The following F11R variants were observed in gnomAD, a reference collection of about 807,000 sequenced individuals.
The protein encoded by F11R is F11 receptor.
Under a neutral mutation model 39.3 loss-of-function variants are expected in F11R, and 27 were observed. That is an observed-to-expected ratio of 0.69 (90% confidence interval 0.51 to 0.95). The LOEUF is 0.95. Ranked by LOEUF, F11R falls within the 40% of genes least tolerant of loss-of-function variation. F11R has a pLI of 0.00. For synonymous variants in F11R, 131 were observed against 144.9 expected (o/e 0.90, Z 0.69); for missense variants, 335 against 372.7 (o/e 0.90, Z 0.83).
intron 1 of F11R, among the ~76,000 whole-genome samples, chr1:161,013,755 G>A (rs1328801718): frequency 1.3e-5 from 2 of 152,186 alleles, no homozygotes; most frequent in Non-Finnish European, 2.9e-5. Flanking sequence ...AAGTGGTAAT[G>A]GCAGGGTAAG....
At chr1:161,000,972 T>C in intron 3 of F11R, 48 bp downstream of exon 3, 1 of 1,553,550 alleles carries the variant, frequency 6.4e-7, no homozygotes, top group Middle Eastern at 1.7e-4. Context: ...CCAGGCATGA[T>C]AATCCCTCCA....
intron 1 of F11R, among the ~76,000 whole-genome samples, chr1:161,020,130 C>T (rs1023578147): frequency 6.6e-6 from 1 of 152,150 alleles, no homozygotes. Context: ...ACAAACCAAC[C>T]GACTAAACGC....
In F11R at chr1:161,001,021, T is replaced by C; in HGVS notation, c.240A>G (p.Thr80=). ...TRLVCYNNKI[T]ASYEDRVTFL... is the part of the protein sequence containing the mutation. ...CAGGAAGGAGGAGAAGCAACTCACCTGTGATCTTGTTATTATAGCAAACGA... is the reference window on the plus strand; with the variant it reads ...CAGGAAGGAGGAGAAGCAACTCACCCGTGATCTTGTTATTATAGCAAACGA... The change falls in exon 3 of 10, where the codon ACA becomes ACG. Residue 80 remains threonine (T), a splice_region_variant and synonymous_variant. Coordinates refer to ENST00000368026, the MANE Select transcript of F11R (RefSeq NM_016946.6). 4.3e-6 allele frequency: 7 copies of C among 1,613,116 alleles called. No individual in the cohort carries two copies. Among genetic ancestry groups the C allele is most frequent in the Non-Finnish European group, 5.9e-6 (7 of 1,179,100 alleles).
At chr1:160,999,580 C>A in intron 7 of F11R, 60 bp downstream of exon 7, 1 of 1,540,540 alleles carries the variant, frequency 6.5e-7, no homozygotes, top group South Asian at 1.1e-5. Flanking sequence ...CAGATGACAC[C>A]CATGCCAGGC....
rs1430489866 is a variant in F11R, at chr1:161,000,344, A to G, written c.393T>C (p.Pro131=). 6.2e-7 allele frequency: 1 copy of G among 1,613,640 alleles called. No individual in the cohort carries two copies. The highest frequency in any genetic ancestry group is 1.7e-5 in the Admixed American group (1 of 60,016). The part of the protein sequence containing the change: ...EVKVKLIVLV[P]PSKPTVNIPS... ...GGATGTTAACTGTAGGCTTGGATGG[A>G]GGCACTGTGGAAGAGAAAGACAGAA... Residue 131 remains proline (P), a synonymous_variant, in exon 5 of 10, where the codon CCT becomes CCC. Transcript: ENST00000368026.
chr1:161,012,645 CAG>C (rs1212941195), intron 1 of F11R, among the ~76,000 whole-genome samples: 4 of 89,628 alleles, frequency 4.5e-5, no homozygotes, highest in Non-Finnish European at 2.2e-5. Flanking sequence ...TATTTTGAGA[CAG>C]AGTTTTTGCT....
chr1:161,009,728 G>A (rs1649022141), intron 1 of F11R, among the ~76,000 whole-genome samples: 1 of 151,884 alleles, frequency 6.6e-6, no homozygotes, highest in Non-Finnish European at 1.5e-5. Context: ...AGCACTTTGG[G>A]AGGCCGATGT....
At chr1:161,013,257 C>T (rs981929249) in intron 1 of F11R, among the ~76,000 whole-genome samples, 4 of 152,120 alleles carry the variant, frequency 2.6e-5, no homozygotes, top group Non-Finnish European at 5.9e-5. Context: ...ACTCACAAGA[C>T]CCCCCAGTTG....
intron 1 of F11R, among the ~76,000 whole-genome samples, chr1:161,015,582 CTT>C (rs1307659002): frequency 9.4e-6 from 1 of 106,796 alleles, no homozygotes; most frequent in African/African-American, 3.6e-5. Context: ...CACAGCAAGA[CTT>C]TGTCTCAAAA....
At chr1:161,004,314 C>T (rs1472672053) in intron 1 of F11R, among the ~76,000 whole-genome samples, 1 of 152,104 alleles carries the variant, frequency 6.6e-6, no homozygotes, top group African/African-American at 2.4e-5. Flanking sequence ...AACCCCAGCA[C>T]TTTGGGAGGC....
Position 160,998,661 on chromosome 1 carries a change from C to T in F11R, c.*210G>A. 1.6e-6 allele frequency: 1 copy of T among 610,416 alleles called. No homozygotes were observed. Among genetic ancestry groups the T allele is most frequent in the Non-Finnish European group, 2.9e-6 (1 of 340,956 alleles). 37.8% of individuals were successfully genotyped at this position (610,416 alleles called of 1,614,324 possible). ...ATAAACACTTTAAACAAGTTCCAGGCCACTCAGCAGTGGTAGGAAAGGGAG... is the reference window on the plus strand; with the variant it reads ...ATAAACACTTTAAACAAGTTCCAGGTCACTCAGCAGTGGTAGGAAAGGGAG... On this transcript the variant is annotated 3_prime_UTR_variant, in exon 10 of 10. Transcript: ENST00000368026.
chr1:161,008,386 C>T (rs1329767769), intron 1 of F11R, among the ~76,000 whole-genome samples: 1 of 152,018 alleles, frequency 6.6e-6, no homozygotes, highest in Non-Finnish European at 1.5e-5. Flanking sequence ...TCCCTAGTCC[C>T]AGCTACTCCG....
At chr1:161,006,677 A>T (rs1648836251) in intron 1 of F11R, among the ~76,000 whole-genome samples, 1 of 152,194 alleles carries the variant, frequency 6.6e-6, no homozygotes, top group Non-Finnish European at 1.5e-5. Flanking sequence ...CTGTTGCAGG[A>T]TTAACTACGT....
At chr1:161,002,551 C>T (rs959785285) in intron 1 of F11R, 4 of 152,182 alleles carry the variant, frequency 2.6e-5, no homozygotes, top group African/African-American at 9.6e-5. Context: ...CAATTATTCT[C>T]ATCCATGTTT....
chr1:161,006,330 C>G (rs1257413418), intron 1 of F11R, among the ~76,000 whole-genome samples: 2 of 152,174 alleles, frequency 1.3e-5, no homozygotes, highest in Non-Finnish European at 1.5e-5. Flanking sequence ...TTATTGACAT[C>G]TCAGAGTCAG....
intron 1 of F11R, among the ~76,000 whole-genome samples, chr1:161,013,840 C>T (rs770095385): frequency 2.0e-5 from 3 of 152,190 alleles, no homozygotes; most frequent in Admixed American, 6.5e-5. Context: ...TCAGCTCCCC[C>T]GCCACCCCAT....
rs1482793752 is a variant in F11R at position 160,996,476 on chromosome 1, T to C, written c.*2395A>G. 6.6e-6 allele frequency: 1 copy of C among 152,264 alleles called. No individual in the cohort carries two copies. Among genetic ancestry groups the C allele is most frequent in the Non-Finnish European group, 1.5e-5 (1 of 68,026 alleles). The allele number at this position is 152,264 out of a possible 1,614,324, so 9.4% of individuals were successfully genotyped here. ...ACAGAACTGAAACATACTTTAAAAA[T>C]CTCATCCTTGGCTAGGCACGGTGGC... On this transcript the variant is annotated 3_prime_UTR_variant, in exon 10 of 10. Coordinates refer to ENST00000368026, the MANE Select transcript of F11R (RefSeq NM_016946.6).
chr1:161,002,352 C>T (rs1018601721), intron 1 of F11R, among the ~76,000 whole-genome samples: 1 of 149,456 alleles, frequency 6.7e-6, no homozygotes, highest in Non-Finnish European at 1.5e-5. Flanking sequence ...GAATATTCTA[C>T]TTGCCAAATG....
chr1:161,021,152 T>C lies in F11R; in HGVS notation c.-79A>G. On this transcript the variant is annotated 5_prime_UTR_variant, in exon 1 of 10. Coordinates refer to ENST00000368026, the MANE Select transcript of F11R (RefSeq NM_016946.6). ...AGCTCCGCGACTACAGCGAGGGGAC[T>C]GAGAGCCAGCCGCCAGGTGGAACCC... is the stretch of plus-strand genomic sequence containing the variant. 2 of 1,384,108 alleles carry C rather than the reference T, an allele frequency of 1.4e-6. No individual in the cohort carries two copies. The highest frequency in any genetic ancestry group is 2.0e-6 in the Non-Finnish European group (2 of 982,360). 85.7% of individuals were successfully genotyped at this position (1,384,108 alleles called of 1,614,324 possible). A position where few individuals can be genotyped will look rare whatever the true frequency, so the allele number is the denominator to read the frequency against.
Sources: gnomAD v4.1 joint callset for allele counts (sites outside exome capture counted in the v4.1 genomes callset) on GRCh38, gnomAD v4.1.1 for gene constraint, MANE v1.5 for transcripts, NCBI Gene and HGNC (gene_info 2026-07-23, HGNC 2026-07-21) for gene names.